U2SURP: variants seen among roughly 807,000 people sequenced by gnomAD.
U2SURP encodes U2 snRNP associated SURP domain containing.
U2SURP carries 9 observed loss-of-function variants against 144.9 expected under a neutral mutation model. The observed-to-expected ratio is 0.06, with a 90% confidence interval of 0.04 to 0.11. The LOEUF (loss-of-function observed/expected upper bound fraction) is 0.11. Ranked by LOEUF, U2SURP falls within the 10% of genes least tolerant of loss-of-function variation. U2SURP has a pLI of 1.00. For missense variants in U2SURP, 724 were observed against 1,226.7 expected, an observed-to-expected ratio of 0.59 and a Z score of 6.12; for synonymous variants, 408 against 396.8, an observed-to-expected ratio of 1.03 and a Z score of -0.33.
chr3:143,034,744 GT>G (rs1933717448), intron 18 of U2SURP, 143 bp from the exon 19 acceptor site: 5 of 599,220 alleles, frequency 8.3e-6, no homozygotes, highest in Non-Finnish European at 8.7e-6. Context: ...CGGTTTTAGA[GT>G]TTAAACACCT....
chr3:143,003,936 C>G (rs1403520028), intron 1 of U2SURP, among the ~76,000 whole-genome samples: 1 of 152,104 alleles, frequency 6.6e-6, no homozygotes, highest in Non-Finnish European at 1.5e-5. Context: ...GTGATCCACC[C>G]GCCTCAGCCT....
At chr3:143,043,527 A>G (rs890195257) in intron 24 of U2SURP, among the ~76,000 whole-genome samples, 7 of 152,110 alleles carry the variant, frequency 4.6e-5, no homozygotes, top group Middle Eastern at 3.4e-3. Context: ...ATTGTGGGGT[A>G]TGTATGTGAA....
chr3:143,001,999 C>A (rs1000090937), intron 1 of U2SURP, among the ~76,000 whole-genome samples: 121 of 152,334 alleles, frequency 7.9e-4, no homozygotes, highest in African/African-American at 2.4e-3. Context: ...CTTCCTGCGC[C>A]CTGAGGCCGC....
chr3:143,052,326 G>A (rs1420917796), intron 25 of U2SURP, among the ~76,000 whole-genome samples: 1 of 152,046 alleles, frequency 6.6e-6, no homozygotes, highest in Non-Finnish European at 1.5e-5. Context: ...CCTGGGAGGC[G>A]GAGGTTGTCG....
chr3:143,007,444 A>ATTTTT (rs397877854), intron 1 of U2SURP, among the ~76,000 whole-genome samples: 13 of 118,238 alleles, frequency 1.1e-4, no homozygotes, highest in Admixed American at 8.2e-4. Context: ...CTTTCAAGAG[A>ATTTTT]TTTTTTTTTT....
chr3:143,008,866 C>T (rs2108269266), intron 1 of U2SURP, among the ~76,000 whole-genome samples: 1 of 152,294 alleles, frequency 6.6e-6, no homozygotes, highest in East Asian at 1.9e-4. Flanking sequence ...CCCGGGTTCA[C>T]ACCATTCTCC....
chr3:143,012,239 C>T lies in U2SURP; in HGVS notation c.108C>T (p.Pro36=). 6.2e-7 allele frequency: 1 copy of T among 1,612,830 alleles called. No homozygotes were observed. The highest frequency in any genetic ancestry group is 8.5e-7 in the Non-Finnish European group (1 of 1,179,344). Residue 36 remains proline, a synonymous_variant, in exon 3 of 28, where the codon CCC becomes CCT. Transcript: ENST00000473835. ...SSDAHMDASG[P]SDSDMPSRTR... is the part of the protein sequence containing the mutation. The stretch of plus-strand genomic sequence containing the variant: ...TCCTGAAGATGGATGCATCTGGACC[C>T]TCAGATAGTGATATGCCAAGTCGGA...
intron 16 of U2SURP, among the ~76,000 whole-genome samples, chr3:143,029,635 A>G (rs915303721): frequency 6.6e-6 from 1 of 152,230 alleles, no homozygotes; most frequent in Non-Finnish European, 1.5e-5. Flanking sequence ...TGGCCTCTTG[A>G]GTATTCAGGT....
intron 25 of U2SURP, among the ~76,000 whole-genome samples, chr3:143,052,950 GTTTT>G (rs11436960): frequency 7.5e-6 from 1 of 132,950 alleles, no homozygotes; most frequent in Non-Finnish European, 1.6e-5. Context: ...AAATGTGTTG[GTTTT>G]TTTTTTTTTT....
chr3:143,045,500 A>G (rs148608064), intron 24 of U2SURP, among the ~76,000 whole-genome samples: 1 of 152,284 alleles, frequency 6.6e-6, no homozygotes, highest in African/African-American at 2.4e-5. Context: ...AAATGCCCCA[A>G]CTGTTTAGTA....
At chr3:143,016,165 G>A (rs1161119466) in intron 4 of U2SURP, 92 bp from the exon 5 acceptor site, 16 of 1,080,396 alleles carry the variant, frequency 1.5e-5, no homozygotes, top group Non-Finnish European at 2.2e-5. Flanking sequence ...GGAAGGGAGG[G>A]TTTTCGTCCA....
Position 143,001,570 on chromosome 3 carries a change from C to G in U2SURP, c.-59C>G, listed in dbSNP as rs2108260403. The G allele has an allele frequency of 1.2e-6, 2 of 1,600,442 alleles. No homozygotes were observed. The highest frequency in any genetic ancestry group is 2.3e-5 in the East Asian group (1 of 44,396). On this transcript the variant is annotated 5_prime_UTR_variant, in exon 1 of 28. Transcript: ENST00000473835. ...CTGGCGGGCTTCACTGAGATCCGCT[C>G]TTTCGGTGCTCGACTCGCCCGTGCT...
intron 16 of U2SURP, among the ~76,000 whole-genome samples, chr3:143,031,280 C>T (rs1933466236): frequency 6.6e-6 from 1 of 152,166 alleles, no homozygotes; most frequent in African/African-American, 2.4e-5. Flanking sequence ...TACAGTTTGG[C>T]AAGACATTCT....
chr3:143,045,385 AAAAAG>A (rs1934379196), intron 24 of U2SURP, among the ~76,000 whole-genome samples: 3 of 151,606 alleles, frequency 2.0e-5, no homozygotes, highest in East Asian at 1.9e-4. Flanking sequence ...AAAAAAAAAA[AAAAAG>A]AGCACTCCCT....
At chr3:143,049,265 CAA>C (rs200930787) in intron 24 of U2SURP, among the ~76,000 whole-genome samples, 13 of 81,500 alleles carry the variant, frequency 1.6e-4, no homozygotes, top group African/African-American at 6.0e-4. Context: ...GACTCCATCT[CAA>C]AAAAAAAAAA....
chr3:143,021,584 G>A, intron 10 of U2SURP, 29 bp downstream of exon 10: 1 of 1,580,536 alleles, frequency 6.3e-7, no homozygotes, highest in East Asian at 2.2e-5. Context: ...AATGTTGATT[G>A]ATATGCTTTA....
intron 16 of U2SURP, 33 bp from the exon 17 acceptor site, chr3:143,032,751 A>G: frequency 2.6e-6 from 4 of 1,565,792 alleles, no homozygotes; most frequent in Non-Finnish European, 3.5e-6. Flanking sequence ...AATTGTATCT[A>G]AATATTTATA....
chr3:143,059,968 A>G lies in U2SURP; in HGVS notation c.*3518A>G, dbSNP rs1363377456. ...ACCAACTTCCTAGGACTTAGATAAT[A>G]TATAAATAAGTACAAATCCCAGGGG... On this transcript the variant is annotated 3_prime_UTR_variant, in exon 28 of 28. Transcript: ENST00000473835. 1 of 152,414 alleles carries G rather than the reference A, an allele frequency of 6.6e-6. No individual in the cohort carries two copies. The highest frequency in any genetic ancestry group is 2.4e-5 in the African/African-American group (1 of 41,438). The allele number at this position is 152,414 out of a possible 1,614,324, so 9.4% of individuals were successfully genotyped here. A position where few individuals can be genotyped will look rare whatever the true frequency, so the allele number is the denominator to read the frequency against.
At chr3:143,027,979 T>C (rs1305719781) in intron 14 of U2SURP, among the ~76,000 whole-genome samples, 2 of 152,186 alleles carry the variant, frequency 1.3e-5, no homozygotes, top group Non-Finnish European at 2.9e-5. Flanking sequence ...TGTTACGGTA[T>C]TCTTAGACAC....
Sources: allele counts gnomAD v4.1 joint callset (sites outside exome capture counted in the v4.1 genomes callset), GRCh38; gene constraint gnomAD v4.1.1; transcripts MANE v1.5; gene names NCBI Gene and HGNC (gene_info 2026-07-23, HGNC 2026-07-21).